MAPK10: variants seen among roughly 807,000 people sequenced by gnomAD.
MAPK10 encodes the protein mitogen-activated protein kinase 10, also known as JNK3 alpha protein kinase.
In MAPK10, 25 loss-of-function variants were observed where a neutral mutation model predicts 59.3. The ratio of observed to expected loss-of-function variants is 0.42; its 90% confidence interval spans 0.31 to 0.59. The LOEUF (loss-of-function observed/expected upper bound fraction) is 0.59. Ranked by LOEUF, MAPK10 falls within the 20% of genes least tolerant of loss-of-function variation. The pLI is 0.15. For synonymous variants in MAPK10, 190 were observed against 200.5 expected, an observed-to-expected ratio of 0.95 and a Z score of 0.44; for missense variants, 351 against 568.9, an observed-to-expected ratio of 0.62 and a Z score of 3.90.
chr4:86,379,383 G>T (rs1345596913), intron 1 of MAPK10, among the ~76,000 whole-genome samples: 12 of 152,174 alleles, frequency 7.9e-5, no homozygotes, highest in South Asian at 4.1e-4. Context: ...AGCTTTGGGG[G>T]TTTCCTTTTT....
intron 2 of MAPK10, among the ~76,000 whole-genome samples, chr4:86,292,030 T>C (rs76365844): frequency 0.018 from 2,696 of 152,302 alleles, 48 homozygotes; most frequent in Non-Finnish European, 0.028. Flanking sequence ...ATTGAGCCCA[T>C]GGAGACAGAA....
At chr4:86,376,388 T>A (rs1452134420) in intron 1 of MAPK10, among the ~76,000 whole-genome samples, 1 of 152,184 alleles carries the variant, frequency 6.6e-6, no homozygotes, top group Non-Finnish European at 1.5e-5. Flanking sequence ...AAAGACTAAG[T>A]AAACACTGTA....
At chr4:86,480,197 A>G (rs1049338756) in intron 1 of MAPK10, among the ~76,000 whole-genome samples, 2 of 152,090 alleles carry the variant, frequency 1.3e-5, no homozygotes, top group Non-Finnish European at 2.9e-5. Flanking sequence ...TTAACTGATG[A>G]CATTCCACCA....
At chr4:86,064,467 A>G (rs2046339683) in intron 10 of MAPK10, 77 bp from the exon 11 acceptor site, 1 of 1,408,610 alleles carries the variant, frequency 7.1e-7, no homozygotes, top group South Asian at 1.2e-5. Context: ...GAAATTTAAG[A>G]AAACAAAGTA....
chr4:86,504,429 C>A (rs1755566922), intron 1 of MAPK10, among the ~76,000 whole-genome samples: 1 of 152,092 alleles, frequency 6.6e-6, no homozygotes, highest in Admixed American at 6.6e-5. Context: ...AAATTAACTA[C>A]CATATTATAC....
At chr4:86,215,405 A>C (rs1192601747) in intron 2 of MAPK10, among the ~76,000 whole-genome samples, 1 of 152,238 alleles carries the variant, frequency 6.6e-6, no homozygotes, top group African/African-American at 2.4e-5. Flanking sequence ...AAAAATAGAC[A>C]AATTGGACTT....
At chr4:86,176,349 C>A (rs1456813636) in intron 3 of MAPK10, among the ~76,000 whole-genome samples, 2 of 152,072 alleles carry the variant, frequency 1.3e-5, no homozygotes, top group Non-Finnish European at 2.9e-5. Flanking sequence ...TTTTTTAACA[C>A]AACTTCTGTA....
chr4:86,361,676 C>T (rs1736992298), upstream of MAPK10, among the ~76,000 whole-genome samples: 1 of 152,062 alleles, frequency 6.6e-6, no homozygotes, highest in Non-Finnish European at 1.5e-5. Context: ...CACACACACA[C>T]ACACATGCTG....
At chr4:86,043,130 C>T (rs553012594) in intron 11 of MAPK10, among the ~76,000 whole-genome samples, 11 of 151,996 alleles carry the variant, frequency 7.2e-5, no homozygotes, top group Admixed American at 2.0e-4. Context: ...CTCTATGGGA[C>T]GATGTGTAGA....
At chr4:86,569,757 C>T (rs72665756) in intron 1 of MAPK10, among the ~76,000 whole-genome samples, 32,748 of 151,818 alleles carry the variant, frequency 0.22, 4,464 homozygotes, top group Admixed American at 0.3. Flanking sequence ...AGTGGGTACA[C>T]GTGGACATTC....
At chr4:86,418,610 C>T (rs1275063564) in intron 1 of MAPK10, among the ~76,000 whole-genome samples, 1 of 152,204 alleles carries the variant, frequency 6.6e-6, no homozygotes, top group African/African-American at 2.4e-5. Context: ...ATCAATTCAG[C>T]TTACTTAATC....
rs1742206607 is a variant in MAPK10 at position 86,013,840 on chromosome 4, A to C, written c.*3388T>G. ...TCCAACTGTTGGGTACATTCCTACAAAACTCAGTCATCAGATTCTTGAAGA... is the reference window on the plus strand; with the variant it reads ...TCCAACTGTTGGGTACATTCCTACACAACTCAGTCATCAGATTCTTGAAGA... On this transcript the variant is annotated 3_prime_UTR_variant, in exon 14 of 14. Transcript: ENST00000641462. 6.6e-6 allele frequency: 1 copy of C among 152,212 alleles called. No individual in the cohort carries two copies. The highest frequency in any genetic ancestry group is 1.5e-5 in the Non-Finnish European group (1 of 68,052). The allele number at this position is 152,212 out of a possible 1,614,324, so 9.4% of individuals were successfully genotyped here.
chr4:86,434,964 A>G (rs1748520421), intron 1 of MAPK10, among the ~76,000 whole-genome samples: 1 of 152,260 alleles, frequency 6.6e-6, no homozygotes, highest in South Asian at 2.1e-4. Flanking sequence ...TCAGACATAA[A>G]GAAGAATGAT....
At chr4:86,344,590 G>A (rs953187912) in intron 2 of MAPK10, among the ~76,000 whole-genome samples, 15 of 151,138 alleles carry the variant, frequency 9.9e-5, no homozygotes, top group Admixed American at 6.6e-4. Flanking sequence ...GTAAATATTC[G>A]TGGGAGGGAG....
chr4:86,457,643 C>G (rs4693770), upstream of MAPK10, among the ~76,000 whole-genome samples: 16 of 152,226 alleles, frequency 1.1e-4, no homozygotes, highest in East Asian at 3.1e-3. Flanking sequence ...AAAACGTTGC[C>G]GAAAGAAATC....
chr4:86,462,249 G>A (rs1751813297), intron 1 of MAPK10, among the ~76,000 whole-genome samples: 1 of 152,162 alleles, frequency 6.6e-6, no homozygotes, highest in African/African-American at 2.4e-5. Context: ...AATTTAAAAG[G>A]GGTACAAGTA....
rs1015293315 is a variant in MAPK10 at position 86,479,925 on chromosome 4, C to T, written c.-263+113985G>A. Among the ~76,000 whole-genome samples, 11 of 152,058 alleles carry T rather than the reference C, an allele frequency of 7.2e-5. 1 individual carries two copies. The highest frequency in any genetic ancestry group is 2.2e-4 in the African/African-American group (9 of 41,388). On this transcript the variant is annotated intron_variant, in intron 1 of 4. Transcript: ENST00000502302. ...TAATCTCTCCCACTCTAGGTTCCCA[C>T]GCCACCCCTAATCCTGCTCGAAGCA...
intron 1 of MAPK10, among the ~76,000 whole-genome samples, chr4:86,545,676 C>CT (rs1759094282): frequency 1.3e-5 from 2 of 152,074 alleles, no homozygotes; most frequent in South Asian, 4.2e-4. Flanking sequence ...GCATAAAGAT[C>CT]TTAATGGACA....
At chr4:86,084,073 C>A (rs1224408176) in intron 9 of MAPK10, among the ~76,000 whole-genome samples, 1 of 152,130 alleles carries the variant, frequency 6.6e-6, no homozygotes, top group Non-Finnish European at 1.5e-5. Context: ...ATGCTGAGGG[C>A]CTTGGGTGAA....
Sources: gnomAD v4.1 joint callset for allele counts (sites outside exome capture counted in the v4.1 genomes callset) on GRCh38, gnomAD v4.1.1 for gene constraint, MANE v1.5 for transcripts, NCBI Gene and HGNC (gene_info 2026-07-23, HGNC 2026-07-21) for gene names.